Variants in FER observed in about 807,000 individuals in gnomAD.
FER encodes FER tyrosine kinase.
FER carries 63 observed loss-of-function variants against 111.0 expected under a neutral mutation model. The observed-to-expected ratio is 0.57, with a 90% CI of 0.46 to 0.70. The LOEUF is 0.70. Ranked by LOEUF, FER falls within the 30% of genes least tolerant of loss-of-function variation. The pLI is 0.00. For synonymous variants in FER, 327 were observed against 313.9 expected (o/e 1.04, Z -0.44); for missense variants, 914 against 954.0 (o/e 0.96, Z 0.55).
chr5:109,117,038 A>G (rs1266587686), intron 17 of FER, among the ~76,000 whole-genome samples: 1 of 152,026 alleles, frequency 6.6e-6, no homozygotes, highest in Non-Finnish European at 1.5e-5. Context: ...TTAGCTTTCC[A>G]TTTCATCTTT....
At chr5:108,926,343 C>A (rs997067872) in intron 10 of FER, among the ~76,000 whole-genome samples, 7 of 151,242 alleles carry the variant, frequency 4.6e-5, no homozygotes, top group Admixed American at 6.6e-5. Flanking sequence ...TAACTTTTTT[C>A]TTTTATAGTA....
intron 13 of FER, among the ~76,000 whole-genome samples, chr5:109,006,307 G>T (rs1357445268): frequency 2.0e-5 from 3 of 152,196 alleles, no homozygotes; most frequent in Non-Finnish European, 2.9e-5. Context: ...TCTGGCGGAG[G>T]TAATGAATCA....
chr5:108,912,659 G>A (rs55660134), intron 10 of FER, among the ~76,000 whole-genome samples: 5,483 of 152,172 alleles, frequency 0.036, 226 homozygotes, highest in African/African-American at 0.1. Flanking sequence ...GCCACTGTGC[G>A]TGGCCCTATG....
At chr5:109,044,385 G>C (rs1771642047) in intron 14 of FER, among the ~76,000 whole-genome samples, 2 of 151,990 alleles carry the variant, frequency 1.3e-5, no homozygotes, top group African/African-American at 4.8e-5. Context: ...GTTTCACTGT[G>C]TTAGCAAGGA....
At chr5:109,186,578 G>T (rs904752534) in intron 19 of FER, among the ~76,000 whole-genome samples, 3 of 152,106 alleles carry the variant, frequency 2.0e-5, no homozygotes, top group African/African-American at 7.2e-5. Context: ...GCAGGATTGT[G>T]CTGTTCACTG....
At chr5:109,155,202 G>T (rs2126709823) in intron 17 of FER, among the ~76,000 whole-genome samples, 1 of 151,998 alleles carries the variant, frequency 6.6e-6, no homozygotes, top group Middle Eastern at 3.4e-3. Context: ...AGATATTGAT[G>T]TCTCTTAAGT....
chr5:109,038,200 ATAAG>A (rs1475578068), intron 14 of FER, among the ~76,000 whole-genome samples: 1 of 151,920 alleles, frequency 6.6e-6, no homozygotes, highest in South Asian at 2.1e-4. Context: ...GTTCCAATGA[ATAAG>A]TATTCACTTT....
At chr5:108,934,737 T>C (rs996289112) in intron 10 of FER, among the ~76,000 whole-genome samples, 1 of 152,174 alleles carries the variant, frequency 6.6e-6, no homozygotes, top group Non-Finnish European at 1.5e-5. Context: ...ACTGCTGAGC[T>C]GTAAATGTTG....
chr5:109,150,089 C>A (rs1413059830), intron 17 of FER, among the ~76,000 whole-genome samples: 2 of 152,114 alleles, frequency 1.3e-5, no homozygotes, highest in African/African-American at 4.8e-5. Context: ...CCACCGCCAC[C>A]CCTGTTTGTG....
At chr5:108,958,657 T>C (rs1225759803) in intron 12 of FER, among the ~76,000 whole-genome samples, 2 of 151,836 alleles carry the variant, frequency 1.3e-5, no homozygotes, top group Non-Finnish European at 3.0e-5. Context: ...ATCCAAGATG[T>C]GTGAATGAGT....
At chr5:108,892,145 T>G (rs1748196390) in intron 9 of FER, among the ~76,000 whole-genome samples, 1 of 152,128 alleles carries the variant, frequency 6.6e-6, no homozygotes, top group African/African-American at 2.4e-5. Flanking sequence ...TGTGTCTTTA[T>G]AGCAGCATGA....
intron 17 of FER, among the ~76,000 whole-genome samples, chr5:109,151,585 G>A (rs767912570): frequency 2.6e-5 from 4 of 152,088 alleles, no homozygotes; most frequent in Non-Finnish European, 4.4e-5. Flanking sequence ...TGGAGAACTT[G>A]ACTCCAGAAG....
At position 108,938,018 on chromosome 5, in the gene FER, TCTCTCTCTCACACACACACACA is replaced by T. The variant is rs1378948726; in HGVS notation, c.1237-8110_1237-8089del. On this transcript the variant is annotated intron_variant, in intron 10 of 19. Transcript: ENST00000281092. ...CTCTCTTCCCTCCTTTTTTTCCCTA[TCTCTCTCTCACACACACACACA>T]CACACACACACACACACACACACAC... 7.5e-3 allele frequency among the ~76,000 whole-genome samples: 869 copies of T among 115,276 alleles called. 2 individuals are homozygous for T. The highest frequency in any genetic ancestry group is 8.6e-3 in the Non-Finnish European group (490 of 56,660). The allele number at this position is 115,276 out of a possible 152,430, so 75.6% of individuals were successfully genotyped here.
intron 5 of FER, among the ~76,000 whole-genome samples, chr5:108,860,282 C>CA: frequency 6.6e-6 from 1 of 152,012 alleles, no homozygotes; most frequent in Middle Eastern, 3.4e-3. Flanking sequence ...AGCATATAAA[C>CA]ACAAACATTT....
chr5:108,869,719 A>G (rs185640795), intron 6 of FER, among the ~76,000 whole-genome samples: 2 of 152,130 alleles, frequency 1.3e-5, no homozygotes, highest in African/African-American at 4.8e-5. Flanking sequence ...ATTAGGGATA[A>G]TATTTCTTGG....
At position 109,187,614 on chromosome 5, in the gene FER, C is replaced by T; in HGVS notation, c.*39C>T. On this transcript the variant is annotated 3_prime_UTR_variant, in exon 20 of 20. Transcript: ENST00000281092. ...CCAAACTCAGCCTTCAGGACTCTGTCCTCCAGCAGAGTAACATTATTGTTC... is the reference window on the plus strand; with the variant it reads ...CCAAACTCAGCCTTCAGGACTCTGTTCTCCAGCAGAGTAACATTATTGTTC... The T allele has an allele frequency of 6.2e-7, 1 of 1,608,116 alleles. No individual in the cohort carries two copies. Among genetic ancestry groups the T allele is most frequent in the Non-Finnish European group, 8.5e-7 (1 of 1,175,894 alleles).
chr5:108,815,442 A>G (rs1758178930), intron 3 of FER, among the ~76,000 whole-genome samples: 1 of 152,062 alleles, frequency 6.6e-6, no homozygotes, highest in Non-Finnish European at 1.5e-5. Context: ...TATTTTTATT[A>G]TTCTGATAGG....
At chr5:109,037,293 C>G (rs1410403592) in intron 13 of FER, 129 bp from the exon 14 acceptor site, 1 of 672,664 alleles carries the variant, frequency 1.5e-6, no homozygotes, top group African/African-American at 1.8e-5. Flanking sequence ...GTTATAACTT[C>G]TCAGTGTGCT....
At position 109,186,223 on chromosome 5, in the gene FER, G is replaced by T. The variant is rs202063368; in HGVS notation, c.2227G>T (p.Val743Leu). 1 of 1,614,138 alleles carries T rather than the reference G, an allele frequency of 6.2e-7. No individual in the cohort carries two copies. Among genetic ancestry groups the T allele is most frequent in the Non-Finnish European group, 8.5e-7 (1 of 1,179,984 alleles). The change falls in exon 19 of 20, where the codon GTG (valine) becomes TTG (leucine). Residue 743 changes from valine to leucine, a missense_variant. Around this residue, in one of 3 missense-constraint regions of FER, gnomAD observed 134 missense variants for 149.4 expected, o/e 0.90. Coordinates refer to ENST00000281092, the MANE Select transcript of FER (RefSeq NM_005246.4). ...AGGGAGATACAGTTCAGAGAGTGAC[G>T]TGTGGAGCTTTGGCATCCTTCTCTG... is the stretch of plus-strand genomic sequence containing the variant. ...NYGRYSSESD[V>L]WSFGILLWET...
Sources: gnomAD v4.1 joint callset for allele counts (sites outside exome capture counted in the v4.1 genomes callset) on GRCh38, gnomAD v4.1.1 for gene constraint, gnomAD v4.1.1 regional missense constraint, MANE v1.5 for transcripts, NCBI Gene and HGNC (gene_info 2026-07-23, HGNC 2026-07-21) for gene names.